The following GRIN2A variants were observed in gnomAD, a reference collection of about 807,000 sequenced individuals.
The protein encoded by GRIN2A is glutamate ionotropic receptor NMDA type subunit 2A.
GRIN2A carries 22 observed loss-of-function variants against 113.4 expected under a neutral mutation model. The ratio of observed to expected loss-of-function variants is 0.19; its 90% CI spans 0.14 to 0.28. The LOEUF (loss-of-function observed/expected upper bound fraction) is 0.28. Ranked by LOEUF, GRIN2A falls within the 10% of genes least tolerant of loss-of-function variation. The probability of loss-of-function intolerance (pLI) is 1.00; values close to 1 mark genes in which losing one functional copy is unlikely to be tolerated. For missense variants in GRIN2A, 1,502 were observed against 1,887.0 expected (o/e 0.80, Z 3.78); for synonymous variants, 827 against 738.4 (o/e 1.12, Z -1.94).
At chr16:9,979,508 G>T (rs2045843932) in intron 2 of GRIN2A, among the ~76,000 whole-genome samples, 1 of 152,052 alleles carries the variant, frequency 6.6e-6, no homozygotes, top group Admixed American at 6.6e-5. Flanking sequence ...CTCATGCTCT[G>T]AGAGGCCTTT....
chr16:9,931,367 T>G (rs2044590922), intron 3 of GRIN2A, among the ~76,000 whole-genome samples: 1 of 152,200 alleles, frequency 6.6e-6, no homozygotes. Flanking sequence ...ACCTGATAGT[T>G]ATTTGTAAAA....
At chr16:10,110,310 G>A (rs74006706) in intron 2 of GRIN2A, among the ~76,000 whole-genome samples, 7,051 of 152,220 alleles carry the variant, frequency 0.046, 285 homozygotes, top group African/African-American at 0.11. Flanking sequence ...TAATGGATGA[G>A]ACTGGAGAAT....
intron 2 of GRIN2A, among the ~76,000 whole-genome samples, chr16:10,116,371 C>T (rs748952982): frequency 6.6e-6 from 1 of 152,112 alleles, no homozygotes; most frequent in Non-Finnish European, 1.5e-5. Flanking sequence ...GGGCTTAATA[C>T]CTAGGTGATA....
In GRIN2A at chr16:9,759,176, G is replaced by C. The variant is rs1371632515; in HGVS notation, c.*3973C>G. The C allele has an allele frequency of 4.6e-6, 1 of 217,082 alleles. No individual in the cohort carries two copies. 13.4% of individuals were successfully genotyped at this position (217,082 alleles called of 1,614,324 possible). The stretch of plus-strand genomic sequence containing the variant: ...GAGTTCTCAAATTAGTGTTTATTTA[G>C]GTCTTAAACCGCAAGGGATTTCAGT... On this transcript the variant is annotated 3_prime_UTR_variant, in exon 13 of 13. Coordinates refer to ENST00000330684, the MANE Select transcript of GRIN2A (RefSeq NM_001134407.3).
chr16:10,169,794 G>A (rs144270752), intron 2 of GRIN2A, among the ~76,000 whole-genome samples: 1 of 152,198 alleles, frequency 6.6e-6, no homozygotes, highest in African/African-American at 2.4e-5. Context: ...AACAACAGAA[G>A]AGGTATAATG....
At chr16:9,996,985 CA>C (rs1303655525) in intron 2 of GRIN2A, among the ~76,000 whole-genome samples, 1 of 152,148 alleles carries the variant, frequency 6.6e-6, no homozygotes, top group Admixed American at 6.5e-5. Context: ...AACCTTTACA[CA>C]ACTTAAGTCA....
At chr16:10,030,259 C>T (rs1349536636) in intron 2 of GRIN2A, among the ~76,000 whole-genome samples, 1 of 152,126 alleles carries the variant, frequency 6.6e-6, no homozygotes, top group Non-Finnish European at 1.5e-5. Flanking sequence ...TTTCTCTCAT[C>T]ATTCAATATT....
chr16:10,094,889 A>AAG (rs2048256653), intron 2 of GRIN2A, among the ~76,000 whole-genome samples: 1 of 99,156 alleles, frequency 1.0e-5, no homozygotes, highest in South Asian at 4.7e-4. Context: ...GCACCAAAAA[A>AAG]AAAAAAAAAA....
intron 11 of GRIN2A, among the ~76,000 whole-genome samples, chr16:9,782,591 T>G (rs964707733): frequency 6.6e-6 from 1 of 152,254 alleles, no homozygotes; most frequent in South Asian, 2.1e-4. Flanking sequence ...TCCACTTTGA[T>G]GGTTCTCTTG....
At chr16:10,011,643 C>T (rs1596414229) in intron 2 of GRIN2A, among the ~76,000 whole-genome samples, 1 of 152,292 alleles carries the variant, frequency 6.6e-6, no homozygotes, top group South Asian at 2.1e-4. Flanking sequence ...TGCAGATGCA[C>T]GCTTTTTGCA....
chr16:10,061,170 G>A (rs1435764031), intron 2 of GRIN2A, among the ~76,000 whole-genome samples: 1 of 152,112 alleles, frequency 6.6e-6, no homozygotes, highest in Non-Finnish European at 1.5e-5. Flanking sequence ...CTTTGAGTGT[G>A]AATGTGATGC....
chr16:9,911,417 T>G (rs1480314009), intron 3 of GRIN2A, among the ~76,000 whole-genome samples: 6 of 152,246 alleles, frequency 3.9e-5, no homozygotes, highest in Non-Finnish European at 5.9e-5. Flanking sequence ...AACCTTAAAT[T>G]TATATGCTAA....
At chr16:9,990,545 A>ACGCG (rs869036966) in intron 2 of GRIN2A, among the ~76,000 whole-genome samples, 2 of 130,424 alleles carry the variant, frequency 1.5e-5, no homozygotes, top group African/African-American at 2.9e-5. Context: ...CTCTCTCTAC[A>ACGCG]CGCGCGCGCG....
At chr16:10,063,936 G>T (rs9922460) in intron 2 of GRIN2A, among the ~76,000 whole-genome samples, 16,695 of 152,114 alleles carry the variant, frequency 0.11, 1,067 homozygotes, top group African/African-American at 0.16. Flanking sequence ...CACAGTCACC[G>T]TCTCCTGGAA....
intron 2 of GRIN2A, among the ~76,000 whole-genome samples, chr16:9,959,959 C>G (rs1001912164): frequency 6.6e-6 from 1 of 152,086 alleles, no homozygotes; most frequent in Non-Finnish European, 1.5e-5. Flanking sequence ...GGTGACAGAG[C>G]GAGATTTCAT....
intron 5 of GRIN2A, among the ~76,000 whole-genome samples, chr16:9,845,665 G>T (rs764882495): frequency 1.3e-5 from 2 of 152,196 alleles, no homozygotes; most frequent in East Asian, 1.9e-4. Flanking sequence ...CCTCCCCAGG[G>T]CCTTTGCACC....
chr16:10,088,594 A>G (rs2048126618), intron 2 of GRIN2A, among the ~76,000 whole-genome samples: 1 of 152,210 alleles, frequency 6.6e-6, no homozygotes, highest in South Asian at 2.1e-4. Context: ...TCTGGATATC[A>G]TTAGCTAATT....
intron 2 of GRIN2A, among the ~76,000 whole-genome samples, chr16:9,973,791 A>G (rs796098186): frequency 2.0e-5 from 3 of 152,198 alleles, no homozygotes; most frequent in Non-Finnish European, 2.9e-5. Context: ...CTGGGGGGAA[A>G]AAAAACAAAT....
At chr16:9,847,394 A>T (rs2042791366) in intron 5 of GRIN2A, among the ~76,000 whole-genome samples, 1 of 149,956 alleles carries the variant, frequency 6.7e-6, no homozygotes, top group Admixed American at 6.7e-5. Flanking sequence ...CTTGTCTCTA[A>T]AAAAAAAAAT....
Sources: allele counts gnomAD v4.1 joint callset (sites outside exome capture counted in the v4.1 genomes callset), GRCh38; gene constraint gnomAD v4.1.1; transcripts MANE v1.5; gene names NCBI Gene and HGNC (gene_info 2026-07-23, HGNC 2026-07-21).